PRKCQ: variants seen among roughly 807,000 people sequenced by gnomAD.
PRKCQ encodes protein kinase C theta type.
Under a neutral mutation model 91.2 loss-of-function variants are expected in PRKCQ, and 41 were observed. The ratio of observed to expected loss-of-function variants is 0.45; its 90% CI spans 0.35 to 0.58. The LOEUF is 0.58. Ranked by LOEUF, PRKCQ falls within the 20% of genes least tolerant of loss-of-function variation. The pLI is 0.00. For missense variants in PRKCQ, 673 were observed against 896.5 expected, an observed-to-expected ratio of 0.75 and a Z score of 3.18; for synonymous variants, 307 against 316.9, an observed-to-expected ratio of 0.97 and a Z score of 0.33.
At chr10:6,485,913 C>T in intron 9 of PRKCQ, 122 bp downstream of exon 9, 1 of 782,086 alleles carries the variant, frequency 1.3e-6, no homozygotes, top group Non-Finnish European at 2.1e-6. Context: ...AAGGGCAAGG[C>T]CGGTGCTCAG....
At chr10:6,470,116 T>C (rs1588709158) in intron 12 of PRKCQ, among the ~76,000 whole-genome samples, 3 of 152,234 alleles carry the variant, frequency 2.0e-5, no homozygotes, top group Non-Finnish European at 2.9e-5. Flanking sequence ...CACACTGTAT[T>C]GTCTGTTCCT....
intron 1 of PRKCQ, among the ~76,000 whole-genome samples, chr10:6,553,507 AAAAAAAAAAAC>A (rs1840281704): frequency 6.9e-6 from 1 of 145,378 alleles, no homozygotes; most frequent in African/African-American, 2.7e-5. Flanking sequence ...AAAAAAAAAA[AAAAAAAAAAAC>A]AAACAAACAA....
At position 6,430,749 on chromosome 10, in the gene PRKCQ, C is replaced by A; in HGVS notation, c.1965+61G>T. On this transcript the variant is annotated intron_variant, in intron 17 of 17. Coordinates refer to ENST00000263125, the MANE Select transcript of PRKCQ (RefSeq NM_006257.5). This position sits in a 1 kb window ranked among gnomAD's most constrained non-coding sequence, Gnocchi z 4.7. ...GAGCAGCTGCGGTGACTTGGACAGG[C>A]AGACGGCCCTGAGCGGAGGGAGAGT... The A allele has an allele frequency of 1.9e-6, 3 of 1,578,742 alleles. No homozygotes were observed. Among genetic ancestry groups the A allele is most frequent in the Non-Finnish European group, 2.6e-6 (3 of 1,160,726 alleles).
chr10:6,490,286 G>C (rs1837212246), intron 8 of PRKCQ, among the ~76,000 whole-genome samples: 2 of 152,014 alleles, frequency 1.3e-5, no homozygotes, highest in Non-Finnish European at 2.9e-5. Flanking sequence ...ATGAAGAAGG[G>C]GAGAATGCGG....
chr10:6,522,893 T>A (rs1262726478), intron 1 of PRKCQ, among the ~76,000 whole-genome samples: 3 of 152,162 alleles, frequency 2.0e-5, no homozygotes, highest in Admixed American at 6.5e-5. Context: ...TTCAGAAAAA[T>A]TTTGGCAAAT....
chr10:6,400,936 GCTTA>G, the PRKCQ span, among the ~76,000 whole-genome samples: 1 of 152,208 alleles, frequency 6.6e-6, no homozygotes, highest in Non-Finnish European at 1.5e-5. Flanking sequence ...CCCTTTTAGA[GCTTA>G]CTGTCTTCTG....
intron 1 of PRKCQ, among the ~76,000 whole-genome samples, chr10:6,546,850 A>G (rs1268740751): frequency 1.3e-5 from 2 of 152,170 alleles, no homozygotes; most frequent in African/African-American, 4.8e-5. Context: ...CCCATTCTGT[A>G]TGATATTGGC....
intron 1 of PRKCQ, among the ~76,000 whole-genome samples, chr10:6,547,180 G>C (rs1027673673): frequency 6.6e-6 from 1 of 152,134 alleles, no homozygotes; most frequent in African/African-American, 2.4e-5. Context: ...TACAAGGGAC[G>C]TGAAGGACCT....
chr10:6,530,689 G>T (rs1361638618), intron 1 of PRKCQ, among the ~76,000 whole-genome samples: 2 of 152,224 alleles, frequency 1.3e-5, no homozygotes, highest in African/African-American at 4.8e-5. Flanking sequence ...ACATCCAGTT[G>T]CAGTCAGAAA....
At chr10:6,568,647 A>T (rs1001062607) in intron 1 of PRKCQ, among the ~76,000 whole-genome samples, 2 of 151,782 alleles carry the variant, frequency 1.3e-5, no homozygotes, top group African/African-American at 2.4e-5. Flanking sequence ...ACAGGCACAC[A>T]CCACCATTCC....
At chr10:6,494,499 C>T (rs112216948) in intron 7 of PRKCQ, among the ~76,000 whole-genome samples, 40 of 152,256 alleles carry the variant, frequency 2.6e-4, no homozygotes, top group Non-Finnish European at 5.1e-4. Context: ...AGACTAATGC[C>T]TCCAAGATGC....
intron 1 of PRKCQ, among the ~76,000 whole-genome samples, chr10:6,553,790 C>G (rs532772376): frequency 2.6e-5 from 4 of 152,282 alleles, no homozygotes; most frequent in South Asian, 4.1e-4. Flanking sequence ...TCTTACCAAA[C>G]TTTAAAATCT....
intron 1 of PRKCQ, among the ~76,000 whole-genome samples, chr10:6,553,508 A>ATAAAT (rs1840281809): frequency 7.0e-6 from 1 of 142,420 alleles, no homozygotes; most frequent in Non-Finnish European, 1.5e-5. Context: ...AAAAAAAAAA[A>ATAAAT]AAAAAAAAAC....
At chr10:6,481,981 T>C (rs114353316) in intron 11 of PRKCQ, among the ~76,000 whole-genome samples, 2,163 of 151,398 alleles carry the variant, frequency 0.014, 48 homozygotes, top group African/African-American at 0.04. Context: ...CTCTTCTTCC[T>C]TCTTCTCACC....
intron 1 of PRKCQ, among the ~76,000 whole-genome samples, chr10:6,516,977 A>G (rs1838788757): frequency 6.6e-6 from 1 of 152,202 alleles, no homozygotes; most frequent in African/African-American, 2.4e-5. Context: ...CCGTTTCACC[A>G]GATTCACTTG....
At chr10:6,491,011 G>T (rs1837267004) in intron 8 of PRKCQ, among the ~76,000 whole-genome samples, 1 of 151,502 alleles carries the variant, frequency 6.6e-6, no homozygotes, top group South Asian at 2.1e-4. Context: ...TTCCTTTTTT[G>T]ATGGTAGGTC....
At chr10:6,404,255 G>GGGGGGAGAGA in the PRKCQ span, among the ~76,000 whole-genome samples, 8 of 34,360 alleles carry the variant, frequency 2.3e-4, no homozygotes, top group African/African-American at 3.4e-4. Context: ...GAAGGGGGGG[G>GGGGGGAGAGA]GAGAGAGAGA....
intron 12 of PRKCQ, among the ~76,000 whole-genome samples, chr10:6,467,837 C>T (rs1835769054): frequency 6.6e-6 from 1 of 152,114 alleles, no homozygotes; most frequent in Admixed American, 6.5e-5. Context: ...AGGCAATAAA[C>T]AATGTTGACA....
chr10:6,539,748 CG>C (rs1376804459), intron 1 of PRKCQ, among the ~76,000 whole-genome samples: 8 of 152,082 alleles, frequency 5.3e-5, no homozygotes, highest in Admixed American at 4.6e-4. Context: ...GGTTAGGGAC[CG>C]CTGCTTTAGA....
Sources: allele counts gnomAD v4.1 joint callset (sites outside exome capture counted in the v4.1 genomes callset), GRCh38; gene constraint gnomAD v4.1.1; non-coding constraint Gnocchi (gnomAD v3.1); transcripts MANE v1.5; gene names NCBI Gene and HGNC (gene_info 2026-07-23, HGNC 2026-07-21).